WDR5: variants seen among roughly 807,000 people sequenced by gnomAD.
The protein encoded by WDR5 is WD repeat-containing protein 5.
For synonymous variants in WDR5, 144 were observed against 161.6 expected (o/e 0.89, Z 0.83); for missense variants, 187 against 416.9 (o/e 0.45, Z 4.80).
intron 2 of WDR5, 129 bp downstream of exon 2, chr9:134,140,087 G>A: frequency 9.1e-7 from 1 of 1,104,862 alleles, no homozygotes; most frequent in Non-Finnish European, 1.3e-6. Flanking sequence ...TTTATTTACT[G>A]ACCGCATATC....
At chr9:134,140,052 A>G in intron 2 of WDR5, 94 bp downstream of exon 2, 1 of 1,413,626 alleles carries the variant, frequency 7.1e-7, no homozygotes, top group Non-Finnish European at 9.8e-7. Context: ...AGTCTTCCCT[A>G]CTCAGTTAAA....
Position 134,139,852 on chromosome 9 carries a change from T to C in WDR5, c.-26T>C. On this transcript the variant is annotated 5_prime_UTR_variant, in exon 2 of 14. Transcript: ENST00000358625. ...CTGTCACCGGGTCCCTCCACCCTTG[T>C]CTCCTGTGCGGCCAGCGTCAGAGCC... The C allele has an allele frequency of 1.9e-6, 3 of 1,613,312 alleles. No homozygotes were observed. Among genetic ancestry groups the C allele is most frequent in the Non-Finnish European group, 2.5e-6 (3 of 1,179,846 alleles).
At chr9:134,138,038 A>T (rs897555593) in intron 1 of WDR5, among the ~76,000 whole-genome samples, 145 of 152,316 alleles carry the variant, frequency 9.5e-4, no homozygotes, top group African/African-American at 3.4e-3. Context: ...CACTGTGCCC[A>T]GCCATCATAT....
chr9:134,144,648 TG>T (rs1212147473), intron 7 of WDR5, among the ~76,000 whole-genome samples: 7 of 152,164 alleles, frequency 4.6e-5, no homozygotes, highest in Non-Finnish European at 1.0e-4. Context: ...GAGACCATCC[TG>T]GACAACATAG....
At chr9:134,153,720 C>G (rs1042986987) in intron 9 of WDR5, among the ~76,000 whole-genome samples, 2 of 152,104 alleles carry the variant, frequency 1.3e-5, no homozygotes, top group Non-Finnish European at 2.9e-5. Context: ...GCTCGGGACA[C>G]ACCAGCGCGT....
chr9:134,149,978 A>G (rs1173842872), intron 8 of WDR5, among the ~76,000 whole-genome samples: 2 of 152,224 alleles, frequency 1.3e-5, no homozygotes, highest in African/African-American at 4.8e-5. Flanking sequence ...GAAGGCCTGA[A>G]AAGAACATGT....
At position 134,141,600 on chromosome 9, in the gene WDR5, T is replaced by C. The variant is rs1414099702; in HGVS notation, c.264+17T>C. The stretch of plus-strand genomic sequence containing the variant: ...CACAAGCTGGTAGGTTTCAGCCCTG[T>C]GCGGTGAAGTTGACTGTTGAACAGG... On this transcript the variant is annotated intron_variant, in intron 4 of 13. Coordinates refer to ENST00000358625, the MANE Select transcript of WDR5 (RefSeq NM_017588.3). 1.2e-6 allele frequency: 2 copies of C among 1,613,996 alleles called. No individual in the cohort carries two copies. Among genetic ancestry groups the C allele is most frequent in the Admixed American group, 3.3e-5 (2 of 60,024 alleles).
chr9:134,136,296 C>T (rs538343203), intron 1 of WDR5, 96 bp downstream of exon 1: 1 of 149,648 alleles, frequency 6.7e-6, no homozygotes, highest in Non-Finnish European at 1.5e-5. Context: ...ACGTGTTCCC[C>T]GCCGGGCCTC....
At chr9:134,151,703 C>G (rs1342549997) in intron 8 of WDR5, among the ~76,000 whole-genome samples, 5 of 152,112 alleles carry the variant, frequency 3.3e-5, no homozygotes, top group Non-Finnish European at 4.4e-5. Context: ...GCTTCCCGCT[C>G]TGTGTTGGGG....
chr9:134,142,906 A>G (rs533459029), intron 7 of WDR5, among the ~76,000 whole-genome samples, 187 bp downstream of exon 7: 4 of 152,128 alleles, frequency 2.6e-5, no homozygotes, highest in Non-Finnish European at 5.9e-5. Flanking sequence ...TCCTGTGTGC[A>G]GTGGAGGGAT....
intron 2 of WDR5, 58 bp from the exon 3 acceptor site, chr9:134,140,645 T>A: frequency 9.7e-6 from 14 of 1,436,868 alleles, no homozygotes; most frequent in Non-Finnish European, 1.4e-5. Flanking sequence ...AAATCCAAAC[T>A]GGTCACGGGT....
At position 134,157,123 on chromosome 9, in the gene WDR5, G is replaced by A. The variant is rs930623990; in HGVS notation, c.904+530G>A. On this transcript the variant is annotated intron_variant, in intron 13 of 13. Coordinates refer to ENST00000358625, the MANE Select transcript of WDR5 (RefSeq NM_017588.3). This position sits in a 1 kb window ranked among gnomAD's most constrained non-coding sequence, Gnocchi z 5.0. ...CGCTACTTCCTCACCCTCTGGCCCT[G>A]CATTTCCACGTCTCATGGAGCCAAC... is the stretch of plus-strand genomic sequence containing the variant. 2.6e-5 allele frequency among the ~76,000 whole-genome samples: 4 copies of A among 152,286 alleles called. No individual in the cohort carries two copies. The highest frequency in any genetic ancestry group is 4.4e-5 in the Non-Finnish European group (3 of 68,028).
intron 10 of WDR5, among the ~76,000 whole-genome samples, chr9:134,154,813 C>T (rs1331878555): frequency 2.0e-5 from 3 of 152,212 alleles, no homozygotes; most frequent in Non-Finnish European, 2.9e-5. Context: ...CTAGCCATCC[C>T]GCATGAAGGA....
At chr9:134,145,521 A>G (rs546413962) in intron 7 of WDR5, among the ~76,000 whole-genome samples, 72 of 152,342 alleles carry the variant, frequency 4.7e-4, no homozygotes, top group African/African-American at 1.7e-3. Context: ...TCACTTTGAC[A>G]AAAAGGAGTG....
intron 8 of WDR5, among the ~76,000 whole-genome samples, chr9:134,151,535 A>G (rs1282605017): frequency 1.3e-5 from 2 of 152,238 alleles, no homozygotes; most frequent in Non-Finnish European, 2.9e-5. Flanking sequence ...CCTTCTGGGA[A>G]TAGTCCAGAA....
Position 134,141,542 on chromosome 9 carries a change from T to C in WDR5, c.223T>C (p.Tyr75His). The C allele has an allele frequency of 6.2e-7, 1 of 1,614,078 alleles. No homozygotes were observed. Among genetic ancestry groups the C allele is most frequent in the Non-Finnish European group, 8.5e-7 (1 of 1,180,000 alleles). The part of the protein sequence containing the change: ...ADKLIKIWGA[Y>H]DGKFEKTISG... ...TAAACTTATTAAAATTTGGGGCGCGTATGATGGGAAATTTGAGAAAACCAT... is the reference window on the plus strand; with the variant it reads ...TAAACTTATTAAAATTTGGGGCGCGCATGATGGGAAATTTGAGAAAACCAT... Residue 75 changes from tyrosine (Y) to histidine (H), a missense_variant, in exon 4 of 14, where the codon TAT becomes CAT. Coordinates refer to ENST00000358625, the MANE Select transcript of WDR5 (RefSeq NM_017588.3).
rs149094071 is a variant in WDR5, at chr9:134,143,945, G to A, written c.528+1226G>A. ...TTTTGTTAACAAAGTGCATGAGGTA[G>A]TTTCTTGGCCAATCCTGCCCTTCGT... On this transcript the variant is annotated intron_variant, in intron 7 of 13. Coordinates refer to ENST00000358625, the MANE Select transcript of WDR5 (RefSeq NM_017588.3). Among the ~76,000 whole-genome samples the A allele has an allele frequency of 8.6e-3, 1,303 of 152,314 alleles. 11 individuals are homozygous for A. Among genetic ancestry groups the A allele is most frequent in the Middle Eastern group, 0.041 (12 of 294 alleles).
intron 7 of WDR5, among the ~76,000 whole-genome samples, chr9:134,145,299 A>G (rs1832133126): frequency 6.6e-6 from 1 of 151,936 alleles, no homozygotes; most frequent in Admixed American, 6.6e-5. Context: ...GGGTTTCACC[A>G]TGTTGGCCAG....
At chr9:134,146,378 G>A (rs530000358) in intron 7 of WDR5, among the ~76,000 whole-genome samples, 2 of 152,228 alleles carry the variant, frequency 1.3e-5, no homozygotes, top group Admixed American at 1.3e-4. Flanking sequence ...GGGACTACAG[G>A]TTCATGCCAC....
Sources: allele counts gnomAD v4.1 joint callset (sites outside exome capture counted in the v4.1 genomes callset), GRCh38; gene constraint gnomAD v4.1.1; non-coding constraint Gnocchi (gnomAD v3.1); transcripts MANE v1.5; gene names NCBI Gene and HGNC (gene_info 2026-07-23, HGNC 2026-07-21).